PTPRD: variants seen among roughly 807,000 people sequenced by gnomAD.
PTPRD encodes receptor-type tyrosine-protein phosphatase delta.
A neutral mutation model predicts 214.5 loss-of-function variants in PTPRD; 34 were observed. The observed-to-expected ratio is 0.16, with a 90% CI of 0.12 to 0.21. The LOEUF (loss-of-function observed/expected upper bound fraction) is 0.21, where lower values mean the gene tolerates loss of function less well. Among genes scored for constraint, PTPRD ranks in the 10% least tolerant of loss-of-function variants. The pLI, the probability that PTPRD is intolerant of heterozygous loss-of-function variation, is 1.00. For synonymous variants in PTPRD, 1,128 were observed against 845.7 expected (o/e 1.33, Z -5.79); for missense variants, 2,545 against 2,398.7 (o/e 1.06, Z -1.27).
At chr9:8,584,990 C>G (rs1364630731) in intron 14 of PTPRD, among the ~76,000 whole-genome samples, 1 of 152,136 alleles carries the variant, frequency 6.6e-6, no homozygotes, top group African/African-American at 2.4e-5. Context: ...AGGTAATCTC[C>G]TCTATGATTC....
At chr9:10,168,040 G>A (rs1317153988) in intron 3 of PTPRD, among the ~76,000 whole-genome samples, 1 of 152,144 alleles carries the variant, frequency 6.6e-6, no homozygotes, top group Non-Finnish European at 1.5e-5. Context: ...AGTGAAAGGA[G>A]GCAATTCACG....
chr9:9,656,674 G>C (rs2096523857), intron 7 of PTPRD, among the ~76,000 whole-genome samples: 1 of 152,126 alleles, frequency 6.6e-6, no homozygotes, highest in Non-Finnish European at 1.5e-5. Context: ...GAAACAGTCT[G>C]TATGATACTA....
chr9:8,463,739 A>G (rs1203027908), intron 32 of PTPRD, among the ~76,000 whole-genome samples: 1 of 151,958 alleles, frequency 6.6e-6, no homozygotes, highest in Non-Finnish European at 1.5e-5. Context: ...CATTCTTAAT[A>G]TGAGACAAAG....
intron 8 of PTPRD, among the ~76,000 whole-genome samples, chr9:9,484,524 G>A (rs965111236): frequency 6.6e-6 from 1 of 152,138 alleles, no homozygotes; most frequent in Non-Finnish European, 1.5e-5. Flanking sequence ...CAAGATTCAT[G>A]TTTGTTGCTG....
At chr9:9,132,867 G>C (rs2099844884) in intron 10 of PTPRD, among the ~76,000 whole-genome samples, 1 of 152,156 alleles carries the variant, frequency 6.6e-6, no homozygotes, top group South Asian at 2.1e-4. Context: ...ATATGATTAA[G>C]TGCTATATAA....
chr9:9,349,962 G>A (rs1312772911), intron 9 of PTPRD, among the ~76,000 whole-genome samples: 1 of 151,982 alleles, frequency 6.6e-6, no homozygotes, highest in African/African-American at 2.4e-5. Context: ...TGAAATGTAG[G>A]CTATCCAGTA....
Position 8,358,163 on chromosome 9 carries a change from T to C in PTPRD, c.4662-16185A>G, listed in dbSNP as rs1006616993. On this transcript the variant is annotated intron_variant, in intron 39 of 45. Coordinates refer to ENST00000381196, the MANE Select transcript of PTPRD (RefSeq NM_002839.4). ...TAAGGGAGGATGCAATGTGACCTCA[T>C]AGACACCATCTCCAACCACGTATCT... 4.6e-5 allele frequency among the ~76,000 whole-genome samples: 7 copies of C among 152,158 alleles called. No homozygotes were observed. In the East Asian group the frequency reaches 7.7e-4, roughly 17 times the overall value.
At chr9:10,390,701 C>A (rs925800155) in intron 2 of PTPRD, among the ~76,000 whole-genome samples, 2 of 151,544 alleles carry the variant, frequency 1.3e-5, no homozygotes, top group Non-Finnish European at 2.9e-5. Context: ...AAGAAAGGGG[C>A]TCTCTGAGAC....
intron 36 of PTPRD, among the ~76,000 whole-genome samples, chr9:8,394,355 G>A (rs898974771): frequency 6.6e-6 from 1 of 152,052 alleles, no homozygotes; most frequent in Non-Finnish European, 1.5e-5. Flanking sequence ...AATAATACAT[G>A]AATTATTTTG....
chr9:9,934,940 A>G (rs1312415116), intron 5 of PTPRD, among the ~76,000 whole-genome samples: 3 of 152,304 alleles, frequency 2.0e-5, no homozygotes, highest in South Asian at 2.1e-4. Flanking sequence ...ATCAATAAAT[A>G]TAATCCAGCA....
intron 5 of PTPRD, among the ~76,000 whole-genome samples, chr9:9,824,250 T>A (rs900307750): frequency 6.6e-6 from 1 of 152,016 alleles, no homozygotes; most frequent in African/African-American, 2.4e-5. Context: ...ATACTCAACC[T>A]GCATCTTTAT....
intron 4 of PTPRD, among the ~76,000 whole-genome samples, chr9:10,007,757 T>A (rs1183680049): frequency 6.6e-6 from 1 of 151,966 alleles, no homozygotes; most frequent in Non-Finnish European, 1.5e-5. Context: ...TTTAAAAAAA[T>A]ATATATTTAA....
rs868729379 is a variant in PTPRD, at chr9:9,947,543, T to A, written c.-471-8933A>T. Reference sequence around the variant, plus strand: ...TATATTATATATATTTTATATATAATATATATATTATATATATATTTTATA... The same window carrying A: ...TATATTATATATATTTTATATATAAAATATATATTATATATATATTTTATA... On this transcript the variant is annotated intron_variant, in intron 4 of 45. Coordinates refer to ENST00000381196, the MANE Select transcript of PTPRD (RefSeq NM_002839.4). Among the ~76,000 whole-genome samples the A allele has an allele frequency of 9.5e-4, 32 of 33,860 alleles. 1 individual carries two copies. Among genetic ancestry groups the A allele is most frequent in the African/African-American group, 5.1e-3 (26 of 5,118 alleles). The allele number at this position is 33,860 out of a possible 152,430, so 22.2% of individuals were successfully genotyped here.
intron 8 of PTPRD, among the ~76,000 whole-genome samples, chr9:9,508,185 T>C (rs188458781): frequency 4.0e-5 from 6 of 151,634 alleles, no homozygotes; most frequent in African/African-American, 1.4e-4. Context: ...TCCAAACTTA[T>C]AAATGGGATG....
chr9:8,649,850 T>C (rs906342992), intron 12 of PTPRD, among the ~76,000 whole-genome samples: 1 of 152,192 alleles, frequency 6.6e-6, no homozygotes, highest in Non-Finnish European at 1.5e-5. Context: ...GATGCTTAAA[T>C]ATTTGGCTAT....
chr9:8,324,893 TGTCTTCTTTTGA>T (rs1832097415), intron 44 of PTPRD, among the ~76,000 whole-genome samples: 1 of 152,246 alleles, frequency 6.6e-6, no homozygotes, highest in Admixed American at 6.5e-5. Flanking sequence ...GCCGCATCAG[TGTCTTCTTTTGA>T]GAAGTGTCTG....
intron 2 of PTPRD, among the ~76,000 whole-genome samples, chr9:10,464,412 CAG>C (rs139389141): frequency 0.01 from 1,481 of 142,886 alleles, 17 homozygotes; most frequent in African/African-American, 0.034. Flanking sequence ...GATAGAGAGA[CAG>C]AGAGAGAGAG....
intron 6 of PTPRD, among the ~76,000 whole-genome samples, chr9:9,737,189 C>T (rs1368410760): frequency 6.6e-6 from 1 of 152,008 alleles, no homozygotes; most frequent in Non-Finnish European, 1.5e-5. Flanking sequence ...GTCATGAATT[C>T]AGTACCCATG....
chr9:8,971,339 A>G (rs2099236959), intron 11 of PTPRD, among the ~76,000 whole-genome samples: 1 of 151,820 alleles, frequency 6.6e-6, no homozygotes, highest in Admixed American at 6.6e-5. Context: ...AGAAATTAAA[A>G]AAAACCCCAA....
Sources: allele counts gnomAD v4.1 joint callset (sites outside exome capture counted in the v4.1 genomes callset), GRCh38; gene constraint gnomAD v4.1.1; transcripts MANE v1.5; gene names NCBI Gene and HGNC (gene_info 2026-07-23, HGNC 2026-07-21).